FHIT: variants seen among roughly 807,000 people sequenced by gnomAD.
FHIT encodes the protein fragile histidine triad diadenosine triphosphatase.
A neutral mutation model predicts 17.9 loss-of-function variants in FHIT; 19 were observed. The ratio of observed to expected loss-of-function variants is 1.06; its 90% CI spans 0.74 to 1.56. The LOEUF is 1.56. Ranked by LOEUF, FHIT falls within the 40% of genes most tolerant of loss-of-function variation. The probability of loss-of-function intolerance (pLI) is 0.00; values close to 1 mark genes in which losing one functional copy is unlikely to be tolerated. For missense variants in FHIT, 248 were observed against 189.2 expected (o/e 1.31, Z -1.82); for synonymous variants, 81 against 69.7 (o/e 1.16, Z -0.81).
chr3:59,965,439 A>G (rs1327396128), intron 7 of FHIT, among the ~76,000 whole-genome samples: 1 of 152,148 alleles, frequency 6.6e-6, no homozygotes, highest in Non-Finnish European at 1.5e-5. Context: ...TTAAGAGGTG[A>G]CAAGTTTCTT....
intron 3 of FHIT, among the ~76,000 whole-genome samples, chr3:61,001,488 A>ATTTCTTAGCAAT: frequency 6.6e-6 from 1 of 152,384 alleles, no homozygotes; most frequent in East Asian, 1.9e-4. Context: ...CAAAGGAATG[A>ATTTCTTAGCAAT]ACTATTGATA....
intron 8 of FHIT, among the ~76,000 whole-genome samples, chr3:59,844,366 G>A (rs988026278): frequency 2.6e-5 from 4 of 152,056 alleles, no homozygotes; most frequent in Admixed American, 2.6e-4. Flanking sequence ...TACTTTCCTT[G>A]TTCTTGATCA....
At chr3:61,070,783 G>GC (rs1371837792) in intron 2 of FHIT, among the ~76,000 whole-genome samples, 5 of 152,202 alleles carry the variant, frequency 3.3e-5, no homozygotes, top group African/African-American at 1.2e-4. Flanking sequence ...CCTAACAAGT[G>GC]CCCAGTCTTA....
chr3:60,546,000 C>T (rs2036347641), intron 4 of FHIT, among the ~76,000 whole-genome samples: 1 of 152,130 alleles, frequency 6.6e-6, no homozygotes, highest in Non-Finnish European at 1.5e-5. Context: ...GGATATGTTC[C>T]TATTCATTTC....
chr3:60,996,831 T>G (rs2030710026), intron 3 of FHIT, among the ~76,000 whole-genome samples: 2 of 152,242 alleles, frequency 1.3e-5, no homozygotes, highest in Admixed American at 1.3e-4. Context: ...TTATGAGCAT[T>G]CAGACAGAAA....
At chr3:60,595,617 G>A (rs201828837) in intron 4 of FHIT, among the ~76,000 whole-genome samples, 1 of 124,096 alleles carries the variant, frequency 8.1e-6, no homozygotes, top group Non-Finnish European at 1.6e-5. Flanking sequence ...ATATATGTGT[G>A]TATGTATATA....
chr3:60,461,269 C>G (rs520737), intron 5 of FHIT, among the ~76,000 whole-genome samples: 1 of 152,152 alleles, frequency 6.6e-6, no homozygotes, highest in African/African-American at 2.4e-5. Context: ...AAATCCAGCT[C>G]TACAGTTCAT....
At chr3:61,022,829 T>C (rs976061895) in intron 3 of FHIT, among the ~76,000 whole-genome samples, 1 of 152,208 alleles carries the variant, frequency 6.6e-6, no homozygotes, top group Non-Finnish European at 1.5e-5. Context: ...AAACTAGGTA[T>C]TGATGGAACA....
At chr3:61,207,606 T>G (rs932469105) in intron 1 of FHIT, among the ~76,000 whole-genome samples, 6 of 152,214 alleles carry the variant, frequency 3.9e-5, no homozygotes, top group African/African-American at 1.4e-4. Context: ...TTTATTTGCA[T>G]AGAGGTGTTC....
chr3:60,932,166 G>T (rs1707988148), intron 3 of FHIT, among the ~76,000 whole-genome samples: 1 of 152,184 alleles, frequency 6.6e-6, no homozygotes, highest in Non-Finnish European at 1.5e-5. Context: ...AAACCATTGT[G>T]CTAAGTGCTC....
rs1170815736 is a variant in FHIT at position 59,804,193 on chromosome 3, T to C, written c.349-51872A>G. Among the ~76,000 whole-genome samples, 6 of 152,222 alleles carry C rather than the reference T, an allele frequency of 3.9e-5. No homozygotes were observed. The South Asian group carries it at 8.3e-4, about 21-fold the overall frequency. ...GGTTCATTTGAGGAGAGTAGGAAAT[T>C]ATGAAACCCACAAGAAGAGTTTATG... is the stretch of plus-strand genomic sequence containing the variant. On this transcript the variant is annotated intron_variant, in intron 8 of 9. Transcript: ENST00000492590.
At chr3:60,088,420 C>T (rs190539778) in intron 5 of FHIT, among the ~76,000 whole-genome samples, 210 of 152,266 alleles carry the variant, frequency 1.4e-3, no homozygotes, top group Middle Eastern at 6.8e-3. Flanking sequence ...ACTAGTTGCA[C>T]GGCCATGCTG....
chr3:61,072,386 G>A (rs72877833), intron 2 of FHIT, among the ~76,000 whole-genome samples: 10,337 of 152,232 alleles, frequency 0.068, 985 homozygotes, highest in African/African-American at 0.22. Context: ...TTCAGGGTAT[G>A]GTTTGAAATT....
At chr3:60,323,244 C>T (rs1032161309) in intron 5 of FHIT, among the ~76,000 whole-genome samples, 2 of 152,072 alleles carry the variant, frequency 1.3e-5, no homozygotes, top group African/African-American at 2.4e-5. Context: ...TCATGAAATA[C>T]GTAGTCAGTG....
chr3:60,623,220 T>G (rs2039184379), intron 4 of FHIT, among the ~76,000 whole-genome samples: 1 of 152,208 alleles, frequency 6.6e-6, no homozygotes, highest in African/African-American at 2.4e-5. Context: ...GTCACCAAAG[T>G]GTAACCTCCC....
intron 4 of FHIT, among the ~76,000 whole-genome samples, chr3:60,657,182 GAC>G (rs2040136639): frequency 6.6e-6 from 1 of 152,174 alleles, no homozygotes; most frequent in African/African-American, 2.4e-5. Flanking sequence ...ATTAGAAAGA[GAC>G]AAAGTGCTGA....
At chr3:60,308,452 C>T (rs1328957413) in intron 5 of FHIT, among the ~76,000 whole-genome samples, 1 of 150,336 alleles carries the variant, frequency 6.7e-6, no homozygotes, top group Non-Finnish European at 1.5e-5. Flanking sequence ...TCTAACCCAA[C>T]ACTCTACCAA....
intron 3 of FHIT, among the ~76,000 whole-genome samples, chr3:60,988,357 T>C (rs754678095): frequency 7.9e-5 from 12 of 152,190 alleles, no homozygotes; most frequent in Non-Finnish European, 1.2e-4. Context: ...CCAAGGGCTG[T>C]GCAATACTGT....
At chr3:60,699,268 T>C (rs2041184058) in intron 4 of FHIT, among the ~76,000 whole-genome samples, 1 of 152,156 alleles carries the variant, frequency 6.6e-6, no homozygotes, top group African/African-American at 2.4e-5. Flanking sequence ...TTTCCAGAAA[T>C]AGTATAGCTG....
Sources: allele counts gnomAD v4.1 joint callset (sites outside exome capture counted in the v4.1 genomes callset), GRCh38; gene constraint gnomAD v4.1.1; transcripts MANE v1.5; gene names NCBI Gene and HGNC (gene_info 2026-07-23, HGNC 2026-07-21).